STX8: variants seen among roughly 807,000 people sequenced by gnomAD.
The protein encoded by STX8 is syntaxin-8.
Under a neutral mutation model 37.5 loss-of-function variants are expected in STX8, and 23 were observed. The ratio of observed to expected loss-of-function variants is 0.61; its 90% CI spans 0.44 to 0.87. The LOEUF (loss-of-function observed/expected upper bound fraction) is 0.87, where lower values mean the gene tolerates loss of function less well. Among genes scored for constraint, STX8 ranks in the 40% least tolerant of loss-of-function variants. STX8 has a pLI of 0.00. For synonymous variants in STX8, 115 were observed against 99.1 expected (o/e 1.16, Z -0.95); for missense variants, 313 against 284.7 (o/e 1.10, Z -0.71).
At position 9,255,557 on chromosome 17, in the gene STX8, T is replaced by TAA. The variant is rs1906762578; in HGVS notation, c.644-4913_644-4912insTT. Among the ~76,000 whole-genome samples, 94 of 109,790 alleles carry TAA rather than the reference T, an allele frequency of 8.6e-4. 1 individual carries two copies. The highest frequency in any genetic ancestry group is 1.7e-3 in the Admixed American group (17 of 9,956). 72.0% of individuals were successfully genotyped at this position (109,790 alleles called of 152,430 possible). ...AAATAAATAAATAAATAAATAAATATATAAATAAATAAATAAATAAATAAA... is the reference window on the plus strand; with the variant it reads ...AAATAAATAAATAAATAAATAAATATAAATAAATAAATAAATAAATAAATAAA... On this transcript the variant is annotated intron_variant, in intron 7 of 7. Coordinates refer to ENST00000306357, the MANE Select transcript of STX8 (RefSeq NM_004853.3).
chr17:9,255,553 A>AATAAATAT (rs1555583295), intron 7 of STX8, among the ~76,000 whole-genome samples: 2 of 28,146 alleles, frequency 7.1e-5, no homozygotes, highest in Admixed American at 4.9e-4. Context: ...TAAATAAATA[A>AATAAATAT]ATATATAAAT....
At chr17:9,287,450 G>A (rs904971955) in intron 7 of STX8, among the ~76,000 whole-genome samples, 3 of 152,120 alleles carry the variant, frequency 2.0e-5, no homozygotes, top group African/African-American at 7.2e-5. Flanking sequence ...AGAAGAAAGG[G>A]ATATGACGAG....
chr17:9,503,606 A>G (rs2142497531), intron 5 of STX8, among the ~76,000 whole-genome samples: 1 of 152,326 alleles, frequency 6.6e-6, no homozygotes, highest in Non-Finnish European at 1.5e-5. Context: ...TCCTACACTC[A>G]AGCCATCCTG....
intron 6 of STX8, among the ~76,000 whole-genome samples, chr17:9,489,279 A>T (rs1411990383): frequency 6.6e-6 from 1 of 152,196 alleles, no homozygotes; most frequent in African/African-American, 2.4e-5. Flanking sequence ...ATCAAATTAA[A>T]AAAAATGAAA....
At chr17:9,275,533 A>G (rs1907641170) in intron 7 of STX8, among the ~76,000 whole-genome samples, 2 of 152,176 alleles carry the variant, frequency 1.3e-5, no homozygotes, top group Non-Finnish European at 2.9e-5. Flanking sequence ...CATCTGTGTG[A>G]TCATGAGCCA....
chr17:9,363,940 G>T (rs990051048), intron 7 of STX8, among the ~76,000 whole-genome samples: 1 of 152,060 alleles, frequency 6.6e-6, no homozygotes, highest in African/African-American at 2.4e-5. Context: ...TCTCTCAAAG[G>T]CTTCAATTTG....
At chr17:9,498,142 C>G (rs1359182268) in intron 5 of STX8, among the ~76,000 whole-genome samples, 1 of 41,600 alleles carries the variant, frequency 2.4e-5, no homozygotes, top group East Asian at 7.4e-4. Flanking sequence ...AATCCTAGCA[C>G]TTTGGGAGCC....
intron 6 of STX8, among the ~76,000 whole-genome samples, chr17:9,463,300 C>T (rs1268313696): frequency 6.6e-6 from 1 of 152,164 alleles, no homozygotes; most frequent in Non-Finnish European, 1.5e-5. Flanking sequence ...AAATACAATA[C>T]TTTATAGTAC....
chr17:9,399,190 A>G (rs1253187694), intron 6 of STX8, among the ~76,000 whole-genome samples: 2 of 152,172 alleles, frequency 1.3e-5, no homozygotes, highest in Admixed American at 1.3e-4. Context: ...ATATATATCC[A>G]CATGAACCTC....
chr17:9,457,374 A>G (rs1483942537), intron 6 of STX8, among the ~76,000 whole-genome samples: 1 of 152,044 alleles, frequency 6.6e-6, no homozygotes, highest in Non-Finnish European at 1.5e-5. Flanking sequence ...GGCCCCTTCT[A>G]TCTTCTAAGC....
At chr17:9,292,975 A>G (rs796329518) in intron 7 of STX8, among the ~76,000 whole-genome samples, 11 of 152,344 alleles carry the variant, frequency 7.2e-5, no homozygotes, top group African/African-American at 2.4e-4. Flanking sequence ...GTAACCTGAC[A>G]GAAAATAGAA....
intron 7 of STX8, among the ~76,000 whole-genome samples, chr17:9,311,145 G>A (rs1162974413): frequency 4.0e-5 from 6 of 151,768 alleles, no homozygotes; most frequent in Non-Finnish European, 2.9e-5. Flanking sequence ...GCTGAGGCAG[G>A]AGAATTGCTT....
At chr17:9,531,660 G>A (rs1905822266) in intron 4 of STX8, among the ~76,000 whole-genome samples, 1 of 152,136 alleles carries the variant, frequency 6.6e-6, no homozygotes, top group Non-Finnish European at 1.5e-5. Flanking sequence ...CAAGCTTTCA[G>A]GAATCCACTG....
intron 6 of STX8, among the ~76,000 whole-genome samples, chr17:9,485,549 G>A (rs1445555574): frequency 1.3e-5 from 2 of 151,834 alleles, no homozygotes; most frequent in South Asian, 2.1e-4. Flanking sequence ...AAACTTAGAG[G>A]ATTGATCCAG....
intron 6 of STX8, among the ~76,000 whole-genome samples, chr17:9,450,216 C>T (rs1904991803): frequency 6.7e-6 from 1 of 150,284 alleles, no homozygotes; most frequent in Non-Finnish European, 1.5e-5. Context: ...GCTGGGAAAA[C>T]AGGTATGCGC....
At chr17:9,471,545 C>A (rs1251959904) in intron 6 of STX8, among the ~76,000 whole-genome samples, 1 of 152,138 alleles carries the variant, frequency 6.6e-6, no homozygotes, top group East Asian at 1.9e-4. Flanking sequence ...CCGCCATTAA[C>A]TGGTAAGAGT....
In STX8 at chr17:9,279,061, G is replaced by T. The variant is rs868454591; in HGVS notation, c.644-28416C>A. On this transcript the variant is annotated intron_variant, in intron 7 of 7. Transcript: ENST00000306357. ...TTATTATTCTGTGTGTGTGTTTTTT[G>T]TTTTTTGTTTTTTTTTTTTGAGATG... Among the ~76,000 whole-genome samples, 122 of 98,380 alleles carry T rather than the reference G, an allele frequency of 1.2e-3. 1 individual carries two copies. The highest frequency in any genetic ancestry group is 4.4e-3 in the Middle Eastern group (1 of 228). The allele number at this position is 98,380 out of a possible 152,430, so 64.5% of individuals were successfully genotyped here. A position where few individuals can be genotyped will look rare whatever the true frequency, so the allele number is the denominator to read the frequency against.
At chr17:9,457,389 A>G (rs1225785929) in intron 6 of STX8, among the ~76,000 whole-genome samples, 3 of 152,166 alleles carry the variant, frequency 2.0e-5, no homozygotes, top group African/African-American at 7.2e-5. Context: ...CTAAGCCAGC[A>G]ATGACTGCTC....
chr17:9,510,796 A>C (rs1313390575), intron 4 of STX8, among the ~76,000 whole-genome samples: 1 of 152,086 alleles, frequency 6.6e-6, no homozygotes, highest in African/African-American at 2.4e-5. Context: ...ATTGAAATAA[A>C]AAATGTATTT....
Sources: gnomAD v4.1 joint callset for allele counts (sites outside exome capture counted in the v4.1 genomes callset) on GRCh38, gnomAD v4.1.1 for gene constraint, MANE v1.5 for transcripts, NCBI Gene and HGNC (gene_info 2026-07-23, HGNC 2026-07-21) for gene names.